Variants in ANO3 observed in about 807,000 individuals in gnomAD.
The protein encoded by ANO3 is anoctamin 3, also known as anoctamin-3.
Under a neutral mutation model 144.8 loss-of-function variants are expected in ANO3, and 99 were observed. That is an observed-to-expected ratio of 0.68 (90% CI 0.58 to 0.81). The LOEUF (loss-of-function observed/expected upper bound fraction) is 0.81, where lower values mean the gene tolerates loss of function less well. Among genes scored for constraint, ANO3 ranks in the 30% least tolerant of loss-of-function variants. The pLI is 0.00. For synonymous variants in ANO3, 414 were observed against 392.6 expected (o/e 1.05, Z -0.64); for missense variants, 905 against 1,202.2 (o/e 0.75, Z 3.66).
At chr11:26,654,295 G>C (rs915975807) in intron 24 of ANO3, among the ~76,000 whole-genome samples, 1 of 152,032 alleles carries the variant, frequency 6.6e-6, no homozygotes, top group Non-Finnish European at 1.5e-5. Flanking sequence ...ATGTGGTTTG[G>C]TTGTTTGTTT....
chr11:26,205,956 C>G (rs1851788058), intron 1 of ANO3, among the ~76,000 whole-genome samples: 1 of 152,182 alleles, frequency 6.6e-6, no homozygotes, highest in African/African-American at 2.4e-5. Context: ...CAGCCAACAA[C>G]AGTGTATTGT....
intron 4 of ANO3, among the ~76,000 whole-genome samples, chr11:26,503,369 T>A (rs1861276587): frequency 6.6e-6 from 1 of 152,156 alleles, no homozygotes; most frequent in South Asian, 2.1e-4. Context: ...CTAGATGTAA[T>A]GACACAGGTA....
intron 11 of ANO3, among the ~76,000 whole-genome samples, chr11:26,546,836 A>G (rs893817437): frequency 5.3e-5 from 8 of 152,026 alleles, no homozygotes; most frequent in Non-Finnish European, 1.0e-4. Context: ...AGGAAAAGGA[A>G]TGGAAGAATG....
chr11:26,551,420 ATACTCT>A (rs1365111322), intron 12 of ANO3, among the ~76,000 whole-genome samples: 1 of 151,998 alleles, frequency 6.6e-6, no homozygotes, highest in Non-Finnish European at 1.5e-5. Flanking sequence ...GAAACTTGTG[ATACTCT>A]TAAATATTTT....
At chr11:26,304,257 C>T (rs373528372) in intron 1 of ANO3, among the ~76,000 whole-genome samples, 4 of 152,042 alleles carry the variant, frequency 2.6e-5, no homozygotes, top group Admixed American at 1.3e-4. Context: ...ACTTATTACT[C>T]TTTAAATAGT....
At chr11:26,211,717 A>G (rs759131801) in intron 1 of ANO3, among the ~76,000 whole-genome samples, 8 of 152,340 alleles carry the variant, frequency 5.3e-5, no homozygotes, top group Non-Finnish European at 1.0e-4. Context: ...CTGGATATAT[A>G]CCCAGAGGAT....
At position 26,336,400 on chromosome 11, in the gene ANO3, G is replaced by T. The variant is rs1295801793; in HGVS notation, c.46+4079G>T. ...TCCTAAAGGACATTTGGTTAAAACAGAGAGTGTTTTTAGTAATTCCATAGA... is the reference window on the plus strand; with the variant it reads ...TCCTAAAGGACATTTGGTTAAAACATAGAGTGTTTTTAGTAATTCCATAGA... On this transcript the variant is annotated intron_variant, in intron 1 of 26. Transcript: ENST00000256737. Among the ~76,000 whole-genome samples the T allele has an allele frequency of 2.0e-5, 3 of 152,188 alleles. No individual in the cohort carries two copies. The East Asian group carries it at 5.8e-4, about 29-fold the overall frequency.
At chr11:26,598,084 G>C (rs1458850598) in intron 14 of ANO3, among the ~76,000 whole-genome samples, 1 of 152,050 alleles carries the variant, frequency 6.6e-6, no homozygotes, top group Non-Finnish European at 1.5e-5. Context: ...TCAATATTTA[G>C]CTCAGTAATA....
chr11:26,210,894 A>G (rs1158230216), intron 1 of ANO3, among the ~76,000 whole-genome samples: 1 of 151,860 alleles, frequency 6.6e-6, no homozygotes, highest in Non-Finnish European at 1.5e-5. Context: ...TGAAACTCCC[A>G]CATAATAATA....
At chr11:26,380,870 T>C (rs1412178323) in intron 1 of ANO3, among the ~76,000 whole-genome samples, 1 of 152,042 alleles carries the variant, frequency 6.6e-6, no homozygotes, top group Admixed American at 6.6e-5. Flanking sequence ...TAATCCCAGC[T>C]ACTCGGGAGG....
At chr11:26,268,567 G>A (rs895243694) in intron 1 of ANO3, among the ~76,000 whole-genome samples, 7 of 152,026 alleles carry the variant, frequency 4.6e-5, no homozygotes, top group Non-Finnish European at 1.0e-4. Flanking sequence ...TAAGCCAAAG[G>A]TGTCAGCTTT....
At chr11:26,464,235 C>G (rs380176) in intron 4 of ANO3, among the ~76,000 whole-genome samples, 150,372 of 151,768 alleles carry the variant, frequency 0.99, 74,505 homozygotes, top group Middle Eastern at 1. Context: ...TATTAAATTG[C>G]ATCAGTATTA....
chr11:26,210,692 C>T (rs1851914083), intron 1 of ANO3, among the ~76,000 whole-genome samples: 1 of 152,098 alleles, frequency 6.6e-6, no homozygotes, highest in African/African-American at 2.4e-5. Context: ...TTGAAGAAGT[C>T]CTCCACATCC....
At chr11:26,366,158 C>A (rs1856076720) in intron 1 of ANO3, among the ~76,000 whole-genome samples, 1 of 151,944 alleles carries the variant, frequency 6.6e-6, no homozygotes, top group South Asian at 2.1e-4. Flanking sequence ...CCTCACCCCA[C>A]AACAGGCTCC....
At chr11:26,441,115 T>TG (rs1227635303) in intron 1 of ANO3, among the ~76,000 whole-genome samples, 2 of 115,322 alleles carry the variant, frequency 1.7e-5, no homozygotes, top group African/African-American at 7.1e-5. Context: ...AGTTTTTTTT[T>TG]TTTTTTTTTT....
At chr11:26,235,799 T>G (rs1053264092) in intron 1 of ANO3, among the ~76,000 whole-genome samples, 2 of 130,550 alleles carry the variant, frequency 1.5e-5, no homozygotes, top group Non-Finnish European at 3.6e-5. Context: ...TCCTATTGAT[T>G]CTATGTAATC....
chr11:26,614,252 G>A (rs61878602), intron 17 of ANO3, among the ~76,000 whole-genome samples: 4,674 of 152,314 alleles, frequency 0.031, 104 homozygotes, highest in Non-Finnish European at 0.049. Context: ...GTGCAGTGTA[G>A]GTGCACATGG....
chr11:26,413,115 C>T (rs992544639), intron 1 of ANO3, among the ~76,000 whole-genome samples: 2 of 151,816 alleles, frequency 1.3e-5, no homozygotes, highest in Non-Finnish European at 2.9e-5. Flanking sequence ...TCCTGTAATC[C>T]CACAGCAGCC....
intron 4 of ANO3, among the ~76,000 whole-genome samples, chr11:26,469,742 A>AAT (rs1164453831): frequency 6.6e-6 from 1 of 151,916 alleles, no homozygotes; most frequent in Admixed American, 6.6e-5. Context: ...CATACTGGAA[A>AAT]ATATATATAT....
Sources: gnomAD v4.1 joint callset for allele counts (sites outside exome capture counted in the v4.1 genomes callset) on GRCh38, gnomAD v4.1.1 for gene constraint, MANE v1.5 for transcripts, NCBI Gene and HGNC (gene_info 2026-07-23, HGNC 2026-07-21) for gene names.